The following PPP2R2B variants were observed in gnomAD, a reference collection of about 807,000 sequenced individuals.
PPP2R2B encodes the protein protein phosphatase 2 regulatory subunit Bbeta.
Under a neutral mutation model 46.0 loss-of-function variants are expected in PPP2R2B, and 5 were observed. The ratio of observed to expected loss-of-function variants is 0.11; its 90% confidence interval spans 0.06 to 0.23. The LOEUF is 0.23. PPP2R2B is among the 10% of genes least tolerant of loss of function. The probability of loss-of-function intolerance (pLI) is 1.00; values close to 1 mark genes in which losing one functional copy is unlikely to be tolerated. For synonymous variants in PPP2R2B, 215 were observed against 206.7 expected (o/e 1.04, Z -0.34); for missense variants, 367 against 575.0 (o/e 0.64, Z 3.70).
At position 146,842,542 on chromosome 5, in the gene PPP2R2B, T is replaced by C. The variant is rs962644294; in HGVS notation, c.70+35460A>G. ...GTGCAGGATGTGCAAGTTTTTTACATAGAAAAACATGTGCCGTGGGGGTTT... is the reference window on the plus strand; with the variant it reads ...GTGCAGGATGTGCAAGTTTTTTACACAGAAAAACATGTGCCGTGGGGGTTT... On this transcript the variant is annotated intron_variant, in intron 2 of 9. Coordinates refer to ENST00000394411, the MANE Select transcript of PPP2R2B (RefSeq NM_181675.4). Among the ~76,000 whole-genome samples, 7 of 150,890 alleles carry C rather than the reference T, an allele frequency of 4.6e-5. No homozygotes were observed. In the East Asian group the frequency reaches 1.2e-3, roughly 25 times the overall value.
chr5:147,004,979 A>G (rs1232186198), intron 1 of PPP2R2B, among the ~76,000 whole-genome samples: 1 of 152,108 alleles, frequency 6.6e-6, no homozygotes, highest in African/African-American at 2.4e-5. Flanking sequence ...TACTGTCTGG[A>G]CTACTCATGA....
intron 1 of PPP2R2B, among the ~76,000 whole-genome samples, chr5:146,966,964 C>T (rs1409178663): frequency 1.3e-5 from 2 of 152,164 alleles, no homozygotes; most frequent in African/African-American, 4.8e-5. Context: ...TTCCCCTTTG[C>T]TCAGTATTAT....
At chr5:146,803,971 TC>T (rs1427489008) in intron 2 of PPP2R2B, among the ~76,000 whole-genome samples, 1 of 152,024 alleles carries the variant, frequency 6.6e-6, no homozygotes, top group African/African-American at 2.4e-5. Flanking sequence ...ATAAAGACCA[TC>T]CTGGCTAATA....
At chr5:146,877,657 C>T (rs751068559) in intron 2 of PPP2R2B, among the ~76,000 whole-genome samples, 6 of 152,122 alleles carry the variant, frequency 3.9e-5, no homozygotes, top group Non-Finnish European at 8.8e-5. Context: ...GGGCCCCTCC[C>T]TTCTTATCTC....
At chr5:146,875,738 C>G (rs1240503420) in intron 2 of PPP2R2B, among the ~76,000 whole-genome samples, 1 of 152,130 alleles carries the variant, frequency 6.6e-6, no homozygotes, top group Non-Finnish European at 1.5e-5. Context: ...AGCTAATTCC[C>G]CACCCAGTAA....
chr5:146,895,540 G>A (rs371629924), intron 1 of PPP2R2B, among the ~76,000 whole-genome samples: 55 of 152,240 alleles, frequency 3.6e-4, no homozygotes, highest in African/African-American at 1.2e-3. Context: ...AATCTCATCA[G>A]CAGTTTTTTG....
At chr5:146,899,349 T>A (rs1230620745) in intron 1 of PPP2R2B, among the ~76,000 whole-genome samples, 1 of 148,872 alleles carries the variant, frequency 6.7e-6, no homozygotes, top group Non-Finnish European at 1.5e-5. Flanking sequence ...TTGGAAATCA[T>A]CATTCTCAGT....
intron 1 of PPP2R2B, among the ~76,000 whole-genome samples, chr5:147,046,697 C>T (rs980906198): frequency 8.6e-5 from 13 of 151,854 alleles, no homozygotes; most frequent in East Asian, 5.8e-4. Flanking sequence ...AAACAGGAGC[C>T]GGCATTTTCA....
chr5:146,969,269 T>C (rs1471929906), intron 1 of PPP2R2B, among the ~76,000 whole-genome samples: 2 of 152,126 alleles, frequency 1.3e-5, no homozygotes, highest in East Asian at 1.9e-4. Context: ...GGGTGGAAAG[T>C]GGGTTCCAGA....
At chr5:146,899,424 T>C (rs1455412011) in intron 1 of PPP2R2B, among the ~76,000 whole-genome samples, 2 of 135,112 alleles carry the variant, frequency 1.5e-5, no homozygotes, top group Middle Eastern at 4.8e-3. Context: ...AATTGAACAA[T>C]GAGATCACAT....
chr5:146,898,526 A>C (rs1762721076), intron 1 of PPP2R2B, among the ~76,000 whole-genome samples: 1 of 151,968 alleles, frequency 6.6e-6, no homozygotes, highest in Admixed American at 6.6e-5. Flanking sequence ...AAACCCTAGA[A>C]GAAAACCTAG....
At chr5:146,595,976 C>G (rs1292725070) in intron 8 of PPP2R2B, among the ~76,000 whole-genome samples, 1 of 152,196 alleles carries the variant, frequency 6.6e-6, no homozygotes, top group East Asian at 1.9e-4. Flanking sequence ...AGAGCCAACT[C>G]TATTGGTCCG....
intron 1 of PPP2R2B, among the ~76,000 whole-genome samples, chr5:147,033,018 C>T (rs548076150): frequency 7.2e-4 from 109 of 152,274 alleles, no homozygotes; most frequent in Admixed American, 2.7e-3. Flanking sequence ...ACTGCATCCA[C>T]GCCAACATCT....
In PPP2R2B at chr5:146,698,137, T is replaced by C. The variant is rs761597423; in HGVS notation, c.176A>G (p.Asn59Ser). The change falls in exon 4 of 10, where the codon AAT becomes AGT. Residue 59 changes from asparagine to serine, a missense_variant. This residue lies in a region of PPP2R2B where 361 missense variants were observed against 545.5 expected (regional missense o/e 0.66). Transcript: ENST00000394411. ...GTATTCACCCCTACGATGAACCTGATTTTTACTCTGTAGGAAAGGAAAAAA... is the reference window on the plus strand; with the variant it reads ...GTATTCACCCCTACGATGAACCTGACTTTTACTCTGTAGGAAAGGAAAAAA... ...VIFQREQESK[N>S]QVHRRGEYNV... is the part of the protein sequence containing the mutation. 1 of 1,591,828 alleles carries C rather than the reference T, an allele frequency of 6.3e-7. No individual in the cohort carries two copies. The highest frequency in any genetic ancestry group is 8.5e-7 in the Non-Finnish European group (1 of 1,173,040).
At chr5:146,845,316 T>TTTTTGC (rs764027476) in intron 2 of PPP2R2B, among the ~76,000 whole-genome samples, 1 of 66 alleles carries the variant, frequency 0.015, no homozygotes, top group Non-Finnish European at 0.025. Flanking sequence ...TTTTTTTTGT[T>TTTTTGC]TTTTTTTGAG....
chr5:146,890,030 GCA>G (rs369510399), intron 1 of PPP2R2B, among the ~76,000 whole-genome samples: 59 of 152,292 alleles, frequency 3.9e-4, no homozygotes, highest in African/African-American at 1.3e-3. Flanking sequence ...GATCACATCC[GCA>G]CACACACAAT....
At chr5:146,983,455 T>C (rs139256538) in intron 1 of PPP2R2B, among the ~76,000 whole-genome samples, 2,578 of 152,226 alleles carry the variant, frequency 0.017, 29 homozygotes, top group Admixed American at 0.022. Flanking sequence ...GCTGGGATTA[T>C]AGGCGTGAGC....
chr5:146,781,175 T>TAA (rs1554136199), intron 2 of PPP2R2B, among the ~76,000 whole-genome samples: 9 of 116,450 alleles, frequency 7.7e-5, no homozygotes, highest in Admixed American at 1.8e-4. Flanking sequence ...TATATATATA[T>TAA]AAAATTATTC....
chr5:146,771,597 G>A (rs895575680), intron 2 of PPP2R2B, among the ~76,000 whole-genome samples: 1 of 152,158 alleles, frequency 6.6e-6, no homozygotes, highest in South Asian at 2.1e-4. Flanking sequence ...GGCAGATGAT[G>A]AGCTGTCTAC....
Sources: gnomAD v4.1 joint callset for allele counts (sites outside exome capture counted in the v4.1 genomes callset) on GRCh38, gnomAD v4.1.1 for gene constraint, gnomAD v4.1.1 regional missense constraint, MANE v1.5 for transcripts, NCBI Gene and HGNC (gene_info 2026-07-23, HGNC 2026-07-21) for gene names.